WWP2: variants seen among roughly 807,000 people sequenced by gnomAD.
WWP2 encodes the protein NEDD4-like E3 ubiquitin-protein ligase WWP2.
Under a neutral mutation model 121.0 loss-of-function variants are expected in WWP2, and 57 were observed. The observed-to-expected ratio is 0.47, with a 90% CI of 0.38 to 0.59. The LOEUF (loss-of-function observed/expected upper bound fraction) is 0.59, where lower values mean the gene tolerates loss of function less well. WWP2 is among the 20% of genes least tolerant of loss of function. WWP2 has a pLI of 0.00. For synonymous variants in WWP2, 449 were observed against 441.3 expected, an observed-to-expected ratio of 1.02 and a Z score of -0.22; for missense variants, 962 against 1,158.9, an observed-to-expected ratio of 0.83 and a Z score of 2.47.
intron 8 of WWP2, among the ~76,000 whole-genome samples, chr16:69,906,740 C>T (rs146392449): frequency 6.6e-6 from 1 of 152,048 alleles, no homozygotes; most frequent in Admixed American, 6.6e-5. Flanking sequence ...ATTAGCTGGG[C>T]CTCGTGGCAT....
chr16:69,808,084 G>T (rs1382202490), intron 4 of WWP2, among the ~76,000 whole-genome samples: 3 of 152,244 alleles, frequency 2.0e-5, no homozygotes, highest in South Asian at 4.2e-4. Context: ...GTTTCCCATT[G>T]TCCCTTCTAG....
At chr16:69,916,382 G>A (rs1045275342) in intron 9 of WWP2, among the ~76,000 whole-genome samples, 49 of 152,290 alleles carry the variant, frequency 3.2e-4, no homozygotes, top group Middle Eastern at 3.4e-3. Flanking sequence ...AAATATTTTT[G>A]TAGAGATGGG....
chr16:69,821,408 A>C (rs2937126), intron 4 of WWP2, among the ~76,000 whole-genome samples: 130,024 of 152,148 alleles, frequency 0.85, 55,834 homozygotes, highest in Admixed American at 0.91. Context: ...ACAATCCTGC[A>C]CCCTGTGTCA....
Position 69,917,569 on chromosome 16 carries a change from A to G in WWP2, c.1005-140A>G, listed in dbSNP as rs369297474. The G allele has an allele frequency of 3.4e-4, 308 of 912,894 alleles. 2 individuals are homozygous for G. The highest frequency in any genetic ancestry group is 2.0e-3 in the African/African-American group (119 of 60,172). The allele number at this position is 912,894 out of a possible 1,614,324, so 56.5% of individuals were successfully genotyped here. On this transcript the variant is annotated intron_variant, in intron 9 of 23. Transcript: ENST00000359154. ...TTGGGTGCTGCAGAGGCAACCACAGATGTCTGCTATAATCAGCTAAGCCCC... is the reference window on the plus strand; with the variant it reads ...TTGGGTGCTGCAGAGGCAACCACAGGTGTCTGCTATAATCAGCTAAGCCCC...
intron 4 of WWP2, among the ~76,000 whole-genome samples, chr16:69,826,598 AG>A (rs2056697057): frequency 9.3e-6 from 1 of 107,742 alleles, no homozygotes; most frequent in Admixed American, 9.8e-5. Flanking sequence ...AAAAAAGTGG[AG>A]CCGGGCACGG....
At chr16:69,825,328 G>A (rs1033865952) in intron 4 of WWP2, among the ~76,000 whole-genome samples, 7 of 151,592 alleles carry the variant, frequency 4.6e-5, no homozygotes, top group African/African-American at 4.8e-5. Flanking sequence ...GGAGGCTGAG[G>A]CAGGAGAATC....
At chr16:69,885,144 C>CACACACACACACACACACACA (rs766923825) in intron 7 of WWP2, among the ~76,000 whole-genome samples, 1 of 149,244 alleles carries the variant, frequency 6.7e-6, no homozygotes, top group Non-Finnish European at 1.5e-5. Context: ...CACACACATT[C>CACACACACACACACACACACA]TTCTTCTTTA....
intron 9 of WWP2, chr16:69,909,707 G>GA (rs2151962668): frequency 2.0e-6 from 2 of 984,438 alleles, no homozygotes; most frequent in Admixed American, 6.2e-5. Context: ...TCTCAAATTA[G>GA]AAAAAAACAA....
rs146052825 is a variant in WWP2 at position 69,907,647 on chromosome 16, G to A, written c.915-1114G>A. Among the ~76,000 whole-genome samples, 636 of 152,302 alleles carry A rather than the reference G, an allele frequency of 4.2e-3. 9 individuals carry two copies. Among genetic ancestry groups the A allele is most frequent in the African/African-American group, 0.014 (598 of 41,554 alleles). ...CAGACTGCATGCAAATAACAGGAGT[G>A]TGGGGATAAGTGGTCCTTGGCTGTA... On this transcript the variant is annotated intron_variant, in intron 8 of 23. Coordinates refer to ENST00000359154, the MANE Select transcript of WWP2 (RefSeq NM_001270454.2).
chr16:69,874,223 G>A (rs985176605), intron 7 of WWP2, among the ~76,000 whole-genome samples: 1 of 152,106 alleles, frequency 6.6e-6, no homozygotes, highest in African/African-American at 2.4e-5. Flanking sequence ...TTTATATAAC[G>A]TCTGCCCCAA....
chr16:69,924,662 C>T (rs1369473586), intron 10 of WWP2, among the ~76,000 whole-genome samples: 1 of 151,922 alleles, frequency 6.6e-6, no homozygotes, highest in East Asian at 1.9e-4. Context: ...CCCCTGTCTC[C>T]CCTTCTGTCT....
At chr16:69,801,597 CTATT>C (rs1438424630) in intron 4 of WWP2, among the ~76,000 whole-genome samples, 2 of 152,026 alleles carry the variant, frequency 1.3e-5, no homozygotes, top group Non-Finnish European at 2.9e-5. Context: ...AGTGTAGTGG[CTATT>C]TATAGGCACG....
intron 6 of WWP2, among the ~76,000 whole-genome samples, chr16:69,845,414 C>T (rs933736354): frequency 6.6e-6 from 1 of 152,118 alleles, no homozygotes; most frequent in African/African-American, 2.4e-5. Context: ...GCTGTCCTTG[C>T]TTTCTGGGGG....
chr16:69,853,060 C>G (rs2057247843), intron 6 of WWP2, among the ~76,000 whole-genome samples: 1 of 152,122 alleles, frequency 6.6e-6, no homozygotes, highest in South Asian at 2.1e-4. Flanking sequence ...TCTTTGGAGA[C>G]AGGGAACCAG....
chr16:69,812,206 A>G (rs150958403), intron 4 of WWP2, among the ~76,000 whole-genome samples: 5,818 of 124,410 alleles, frequency 0.047, 407 homozygotes, highest in African/African-American at 0.16. Flanking sequence ...TCGTTCTGGC[A>G]CCCAGGCTGG....
At chr16:69,846,970 T>C (rs2057093415) in intron 6 of WWP2, among the ~76,000 whole-genome samples, 1 of 152,192 alleles carries the variant, frequency 6.6e-6, no homozygotes, top group Non-Finnish European at 1.5e-5. Flanking sequence ...CACAGCTCAC[T>C]GCAGCCTCAA....
At chr16:69,827,846 AT>A (rs1567689021) in intron 4 of WWP2, 2 of 454,218 alleles carry the variant, frequency 4.4e-6, no homozygotes, top group Non-Finnish European at 8.8e-6. Context: ...TGAACTGATA[AT>A]TTATTCTAAA....
rs965958013 is a variant in WWP2 at position 69,937,905 on chromosome 16, G to A, written c.2343+253G>A. ...CTGGTGTGCAGGGACAGACCTGCAG[G>A]CAGACAGCAGCTGCCACTGGTTGAG... On this transcript the variant is annotated intron_variant, in intron 21 of 23. Transcript: ENST00000359154. The surrounding 1 kb of genome is among the most constrained non-coding windows in gnomAD (Gnocchi z 6.6). Among the ~76,000 whole-genome samples the A allele has an allele frequency of 2.6e-5, 4 of 152,208 alleles. No homozygotes were observed. Among genetic ancestry groups the A allele is most frequent in the Non-Finnish European group, 4.4e-5 (3 of 68,020 alleles).
intron 4 of WWP2, among the ~76,000 whole-genome samples, chr16:69,828,838 C>T (rs1312964231): frequency 7.2e-5 from 11 of 152,022 alleles, no homozygotes; most frequent in Non-Finnish European, 1.6e-4. Context: ...CTCTGTTTCA[C>T]CTTCCTCTCT....
Sources: gnomAD v4.1 joint callset for allele counts (sites outside exome capture counted in the v4.1 genomes callset) on GRCh38, gnomAD v4.1.1 for gene constraint, Gnocchi (gnomAD v3.1) non-coding constraint, MANE v1.5 for transcripts, NCBI Gene and HGNC (gene_info 2026-07-23, HGNC 2026-07-21) for gene names.